Variants in GALNT17 observed in about 807,000 individuals in gnomAD.
GALNT17 encodes the protein UDP-GalNAc:polypeptide N-acetylgalactosaminyltransferase-like 3.
In GALNT17, 29 loss-of-function variants were observed where a neutral mutation model predicts 63.7. The observed-to-expected ratio is 0.46, with a 90% CI of 0.34 to 0.62. The LOEUF (loss-of-function observed/expected upper bound fraction) is 0.62. Among genes scored for constraint, GALNT17 ranks in the 20% least tolerant of loss-of-function variants. GALNT17 has a pLI of 0.01. For synonymous variants in GALNT17, 305 were observed against 318.3 expected (o/e 0.96, Z 0.45); for missense variants, 603 against 799.6 (o/e 0.75, Z 2.97).
chr7:71,566,808 TCC>T (rs1439598748), intron 5 of GALNT17, among the ~76,000 whole-genome samples: 2 of 151,920 alleles, frequency 1.3e-5, no homozygotes, highest in African/African-American at 4.8e-5. Context: ...CAAAGGACCC[TCC>T]TGTAACTTAG....
chr7:71,279,450 G>T (rs1790741632), intron 1 of GALNT17, among the ~76,000 whole-genome samples: 1 of 151,896 alleles, frequency 6.6e-6, no homozygotes, highest in South Asian at 2.1e-4. Context: ...ATGAGATTTT[G>T]GTGGGGACAC....
chr7:71,638,581 T>G (rs145810314), intron 6 of GALNT17, among the ~76,000 whole-genome samples: 1 of 152,128 alleles, frequency 6.6e-6, no homozygotes, highest in African/African-American at 2.4e-5. Flanking sequence ...AGACACGGCA[T>G]GGGTAGTCCT....
Position 71,132,457 on chromosome 7 carries a change from C to T in GALNT17, c.-346C>T, listed in dbSNP as rs1310913334. On this transcript the variant is annotated 5_prime_UTR_variant, in exon 1 of 11. Transcript: ENST00000333538. Reference sequence around the variant, plus strand: ...GCCTCGGAGTCCGCGGCGCCGGCGGCTAGAGGTCCAGAGGCGAACCACTTG... The same window carrying T: ...GCCTCGGAGTCCGCGGCGCCGGCGGTTAGAGGTCCAGAGGCGAACCACTTG... 1.6e-5 allele frequency: 3 copies of T among 184,998 alleles called. No homozygotes were observed. Among genetic ancestry groups the T allele is most frequent in the Non-Finnish European group, 2.2e-5 (2 of 90,332 alleles). The allele number at this position is 184,998 out of a possible 1,614,324, so 11.5% of individuals were successfully genotyped here. A position where few individuals can be genotyped will look rare whatever the true frequency, so the allele number is the denominator to read the frequency against.
chr7:71,202,997 C>G lies in GALNT17; in HGVS notation c.238+69957C>G, dbSNP rs932165543. Among the ~76,000 whole-genome samples, 6 of 152,266 alleles carry G rather than the reference C, an allele frequency of 3.9e-5. No homozygotes were observed. In the South Asian group the frequency reaches 1.2e-3, roughly 32 times the overall value. ...GGGTATATGTATACACACGTGCACACACACACACACATACATACACACACA... is the reference window on the plus strand; with the variant it reads ...GGGTATATGTATACACACGTGCACAGACACACACACATACATACACACACA... On this transcript the variant is annotated intron_variant, in intron 1 of 10. Transcript: ENST00000333538.
At chr7:71,390,130 C>A (rs73360176) in intron 3 of GALNT17, among the ~76,000 whole-genome samples, 14,344 of 152,206 alleles carry the variant, frequency 0.094, 1,385 homozygotes, top group African/African-American at 0.25. Context: ...CTTATCTTCT[C>A]AGCAACTACA....
intron 1 of GALNT17, among the ~76,000 whole-genome samples, chr7:71,295,048 C>T (rs1462317640): frequency 6.6e-6 from 1 of 152,162 alleles, no homozygotes; most frequent in Non-Finnish European, 1.5e-5. Flanking sequence ...TCCACCTGTA[C>T]ACCCTTAACT....
At chr7:71,596,040 G>A (rs554107786) in intron 6 of GALNT17, among the ~76,000 whole-genome samples, 76 of 152,164 alleles carry the variant, frequency 5.0e-4, no homozygotes, top group African/African-American at 9.4e-4. Flanking sequence ...GTTTTTTGTT[G>A]TTGTTGTTTC....
intron 3 of GALNT17, among the ~76,000 whole-genome samples, chr7:71,403,558 C>T (rs975526304): frequency 5.9e-5 from 9 of 152,176 alleles, no homozygotes; most frequent in African/African-American, 7.2e-5. Context: ...ATAGAACACT[C>T]GTATGATGCA....
rs144493671 is a variant in GALNT17, at chr7:71,265,098, T to TTTTATATATATA, written c.239-70451_239-70450insTTATATATATAT. Among the ~76,000 whole-genome samples, 400 of 78,210 alleles carry TTTTATATATATA rather than the reference T, an allele frequency of 5.1e-3. 53 individuals are homozygous for TTTTATATATATA. Among genetic ancestry groups the TTTTATATATATA allele is most frequent in the Non-Finnish European group, 7.6e-3 (288 of 38,070 alleles). The allele number at this position is 78,210 out of a possible 152,430, so 51.3% of individuals were successfully genotyped here. A position where few individuals can be genotyped will look rare whatever the true frequency, so the allele number is the denominator to read the frequency against. On this transcript the variant is annotated intron_variant, in intron 1 of 10. Transcript: ENST00000333538. Reference sequence around the variant, plus strand: ...AAATACCACACGTAACCCATAAATATTATATATATATATATATATATTTTT... The same window carrying TTTTATATATATA: ...AAATACCACACGTAACCCATAAATATTTTATATATATATATATATATATATATATATATTTTT...
intron 5 of GALNT17, among the ~76,000 whole-genome samples, chr7:71,517,708 C>G (rs1000197341): frequency 6.6e-6 from 1 of 152,132 alleles, no homozygotes; most frequent in Non-Finnish European, 1.5e-5. Flanking sequence ...AGCTCTTTGC[C>G]AGGGGCTGTT....
chr7:71,194,034 A>G (rs527925424), intron 1 of GALNT17, among the ~76,000 whole-genome samples: 67 of 152,102 alleles, frequency 4.4e-4, no homozygotes, highest in Non-Finnish European at 7.1e-4. Context: ...TCTCTAACCA[A>G]TCATCTGCTT....
At chr7:71,368,929 G>A (rs1331600432) in intron 2 of GALNT17, among the ~76,000 whole-genome samples, 1 of 148,348 alleles carries the variant, frequency 6.7e-6, no homozygotes, top group African/African-American at 2.5e-5. Flanking sequence ...GGTGGGGGGG[G>A]GTGTTCCTCT....
chr7:71,601,594 C>A, intron 6 of GALNT17, among the ~76,000 whole-genome samples: 1 of 151,948 alleles, frequency 6.6e-6, no homozygotes, highest in Non-Finnish European at 1.5e-5. Flanking sequence ...CCAGCCTGGG[C>A]AACACAGGAA....
chr7:71,214,237 G>A lies in GALNT17; in HGVS notation c.238+81197G>A, dbSNP rs192318421. 1.2e-4 allele frequency among the ~76,000 whole-genome samples: 19 copies of A among 152,320 alleles called. 1 individual carries two copies. Among genetic ancestry groups the A allele is most frequent in the East Asian group, 5.8e-4 (3 of 5,180 alleles). ...TGAATAGTTCCTTCAGGTGCTGGAC[G>A]CACTTAGGTCCTTCTGTTGCAGGTG... On this transcript the variant is annotated intron_variant, in intron 1 of 10. Transcript: ENST00000333538.
chr7:71,609,964 A>T (rs1024262945), intron 6 of GALNT17, among the ~76,000 whole-genome samples: 1 of 152,158 alleles, frequency 6.6e-6, no homozygotes, highest in Non-Finnish European at 1.5e-5. Flanking sequence ...CATATAATTA[A>T]TAGACATTTT....
intron 1 of GALNT17, among the ~76,000 whole-genome samples, chr7:71,220,597 C>T (rs901810994): frequency 1.2e-4 from 19 of 152,140 alleles, no homozygotes; most frequent in Non-Finnish European, 2.4e-4. Context: ...GTCCTAACCT[C>T]AAGTATCTCG....
intron 5 of GALNT17, among the ~76,000 whole-genome samples, chr7:71,557,380 T>C (rs1789182314): frequency 6.6e-6 from 1 of 152,172 alleles, no homozygotes; most frequent in African/African-American, 2.4e-5. Flanking sequence ...TTATCAAAGT[T>C]GTTCTTGCAT....
At chr7:71,409,183 TG>T (rs2116413371) in intron 3 of GALNT17, among the ~76,000 whole-genome samples, 1 of 152,028 alleles carries the variant, frequency 6.6e-6, no homozygotes, top group African/African-American at 2.4e-5. Context: ...TCGTAGGCAG[TG>T]GGGAAAGTGG....
intron 5 of GALNT17, among the ~76,000 whole-genome samples, chr7:71,501,551 C>T (rs1170531179): frequency 2.0e-5 from 3 of 152,162 alleles, no homozygotes; most frequent in African/African-American, 7.2e-5. Flanking sequence ...GAGAGGTGTG[C>T]ACCATCATGG....
Sources: allele counts gnomAD v4.1 joint callset (sites outside exome capture counted in the v4.1 genomes callset), GRCh38; gene constraint gnomAD v4.1.1; transcripts MANE v1.5; gene names NCBI Gene and HGNC (gene_info 2026-07-23, HGNC 2026-07-21).